MUSK: variants seen among roughly 807,000 people sequenced by gnomAD.
MUSK encodes muscle associated receptor tyrosine kinase, also known as muscle, skeletal receptor tyrosine-protein kinase.
Under a neutral mutation model 88.7 loss-of-function variants are expected in MUSK, and 55 were observed. That is an observed-to-expected ratio of 0.62 (90% CI 0.50 to 0.78). MUSK has a LOEUF of 0.78. Among genes scored for constraint, MUSK ranks in the 30% least tolerant of loss-of-function variants. MUSK has a pLI of 0.00. For missense variants in MUSK, 1,015 were observed against 1,074.3 expected, an observed-to-expected ratio of 0.94 and a Z score of 0.77; for synonymous variants, 387 against 391.9, an observed-to-expected ratio of 0.99 and a Z score of 0.15.
chr9:110,711,000 C>CA lies in MUSK; in HGVS notation c.628+13540dup, dbSNP rs532037072. Among the ~76,000 whole-genome samples, 217 of 151,884 alleles carry CA rather than the reference C, an allele frequency of 1.4e-3. 2 individuals carry two copies. Among genetic ancestry groups the CA allele is most frequent in the African/African-American group, 4.9e-3 (201 of 41,390 alleles). ...CATTCTCAGCAAACTATTGCAAGGACAAAAAACCAAACACCGCATGTTCTC... is the reference window on the plus strand; with the variant it reads ...CATTCTCAGCAAACTATTGCAAGGACAAAAAAACCAAACACCGCATGTTCTC... On this transcript the variant is annotated intron_variant, in intron 5 of 14. Coordinates refer to ENST00000374448, the MANE Select transcript of MUSK (RefSeq NM_005592.4).
chr9:110,791,199 C>T (rs1282842152), intron 14 of MUSK, among the ~76,000 whole-genome samples: 1 of 149,638 alleles, frequency 6.7e-6, no homozygotes, highest in African/African-American at 2.5e-5. Context: ...ATCTGAGGTA[C>T]CGGGTTCATC....
rs1263020108 is a variant in MUSK, at chr9:110,803,287, T to C, written c.*2299T>C. Reference sequence around the variant, plus strand: ...CATCCCTGTAATGTTGGTACTATCATTATATACATTTTAGTTTTGCTTTGT... The same window carrying C: ...CATCCCTGTAATGTTGGTACTATCACTATATACATTTTAGTTTTGCTTTGT... On this transcript the variant is annotated 3_prime_UTR_variant, in exon 15 of 15. Transcript: ENST00000374448. Among the ~76,000 whole-genome samples, 4 of 152,238 alleles carry C rather than the reference T, an allele frequency of 2.6e-5. No individual in the cohort carries two copies. Among genetic ancestry groups the C allele is most frequent in the Non-Finnish European group, 1.5e-5 (1 of 68,046 alleles).
intron 14 of MUSK, 109 bp downstream of exon 14, chr9:110,787,947 T>C: frequency 7.9e-7 from 1 of 1,267,646 alleles, no homozygotes; most frequent in Non-Finnish European, 1.1e-6. Context: ...GTGAGACGTT[T>C]CAGTTCCTTT....
rs117059788 is a variant in MUSK, at chr9:110,752,960, C to T, written c.913+5160C>T. On this transcript the variant is annotated intron_variant, in intron 7 of 14. Coordinates refer to ENST00000374448, the MANE Select transcript of MUSK (RefSeq NM_005592.4). ...TGCATTTCCCCTCCAGTCACAACCC[C>T]ATAAAGCCTCAAGTTGCAAAGTAAA... Among the ~76,000 whole-genome samples, 695 of 152,256 alleles carry T rather than the reference C, an allele frequency of 4.6e-3. 4 individuals are homozygous for T. Among genetic ancestry groups the T allele is most frequent in the Middle Eastern group, 0.014 (4 of 294 alleles).
chr9:110,735,317 T>A (rs562758178), intron 6 of MUSK, among the ~76,000 whole-genome samples: 108 of 152,156 alleles, frequency 7.1e-4, no homozygotes, highest in African/African-American at 2.5e-3. Flanking sequence ...TAAGTATCCA[T>A]CAATGGATGA....
At chr9:110,746,389 T>G (rs973149332) in intron 6 of MUSK, among the ~76,000 whole-genome samples, 1 of 152,222 alleles carries the variant, frequency 6.6e-6, no homozygotes, top group Admixed American at 6.5e-5. Context: ...GTTAAGGTAG[T>G]TGTTACTCTT....
intron 13 of MUSK, among the ~76,000 whole-genome samples, chr9:110,786,310 C>CAAAAAAAAAA (rs60666436): frequency 1.3e-5 from 1 of 75,498 alleles, no homozygotes; most frequent in Non-Finnish European, 2.8e-5. Flanking sequence ...GACTCTGTCT[C>CAAAAAAAAAA]AAAAAAAAAA....
chr9:110,682,427 C>A (rs2076145869), intron 1 of MUSK, among the ~76,000 whole-genome samples: 1 of 151,986 alleles, frequency 6.6e-6, no homozygotes, highest in Non-Finnish European at 1.5e-5. Flanking sequence ...AAACTTGGAT[C>A]TGCCTCTCCT....
Position 110,676,142 on chromosome 9 carries a change from A to G in MUSK, c.80-6532A>G, listed in dbSNP as rs7047825. 5.0e-3 allele frequency among the ~76,000 whole-genome samples: 767 copies of G among 151,960 alleles called. 13 individuals are homozygous for G. Among genetic ancestry groups the G allele is most frequent in the African/African-American group, 0.018 (726 of 41,424 alleles). On this transcript the variant is annotated intron_variant, in intron 1 of 14. Coordinates refer to ENST00000374448, the MANE Select transcript of MUSK (RefSeq NM_005592.4). ...ATTCTATCTGCTACAATTTTTTTCT[A>G]TTATGAAAGCAATATGTATTCATTT...
chr9:110,779,528 C>G (rs1437126362), intron 11 of MUSK, among the ~76,000 whole-genome samples: 1 of 152,130 alleles, frequency 6.6e-6, no homozygotes, highest in Non-Finnish European at 1.5e-5. Flanking sequence ...AAAATCCTCA[C>G]CTCCATGTTT....
intron 3 of MUSK, among the ~76,000 whole-genome samples, chr9:110,692,017 A>G (rs2076363236): frequency 6.6e-6 from 1 of 152,116 alleles, no homozygotes; most frequent in Non-Finnish European, 1.5e-5. Flanking sequence ...GTCTCTCTTA[A>G]AAAGTTTAGG....
In MUSK at chr9:110,734,248, C is replaced by T. The variant is rs577774989; in HGVS notation, c.629-3C>T. On this transcript the variant is annotated splice_polypyrimidine_tract_variant and splice_region_variant and intron_variant, in intron 5 of 14. Transcript: ENST00000374448. ...TCACTCACCACTTCTGTCTTCCTAACAGTTTTTGCCAGGATCCTGCGGGCT... is the reference window on the plus strand; with the variant it reads ...TCACTCACCACTTCTGTCTTCCTAATAGTTTTTGCCAGGATCCTGCGGGCT... The T allele has an allele frequency of 2.7e-5, 43 of 1,610,234 alleles. No homozygotes were observed. Among genetic ancestry groups the T allele is most frequent in the Non-Finnish European group, 3.7e-5 (43 of 1,178,080 alleles).
chr9:110,770,427 G>T (rs1376995292), intron 9 of MUSK, among the ~76,000 whole-genome samples: 2 of 143,232 alleles, frequency 1.4e-5, no homozygotes, highest in Non-Finnish European at 3.0e-5. Context: ...TTATATAATT[G>T]ATATAATTTA....
At chr9:110,689,622 T>G (rs1306334537) in intron 3 of MUSK, among the ~76,000 whole-genome samples, 1 of 79,362 alleles carries the variant, frequency 1.3e-5, no homozygotes, top group African/African-American at 4.8e-5. Context: ...TTAGTATATA[T>G]ATTATATATT....
At chr9:110,752,018 C>A (rs1308752640) in intron 7 of MUSK, among the ~76,000 whole-genome samples, 1 of 151,866 alleles carries the variant, frequency 6.6e-6, no homozygotes, top group Non-Finnish European at 1.5e-5. Flanking sequence ...GGAATAAGAC[C>A]CTTTTGTCCA....
intron 7 of MUSK, among the ~76,000 whole-genome samples, chr9:110,757,851 G>T (rs1417241413): frequency 6.6e-6 from 1 of 152,094 alleles, no homozygotes; most frequent in African/African-American, 2.4e-5. Flanking sequence ...CATACTCTCA[G>T]AGCTCATTTC....
At chr9:110,776,795 G>A (rs1459909904) in intron 11 of MUSK, 140 bp downstream of exon 11, 3 of 690,530 alleles carry the variant, frequency 4.3e-6, no homozygotes, top group East Asian at 2.8e-5. Context: ...CTCATCCAGG[G>A]TATAACATGA....
At chr9:110,778,563 C>T (rs914931944) in intron 11 of MUSK, among the ~76,000 whole-genome samples, 4 of 152,068 alleles carry the variant, frequency 2.6e-5, no homozygotes, top group African/African-American at 9.7e-5. Flanking sequence ...TCTCTTAATA[C>T]TCCCAATAGT....
At chr9:110,798,602 T>C (rs2078047980) in intron 14 of MUSK, among the ~76,000 whole-genome samples, 2 of 152,154 alleles carry the variant, frequency 1.3e-5, no homozygotes, top group African/African-American at 4.8e-5. Context: ...CACCTATGCA[T>C]TAATTCATCC....
Sources: gnomAD v4.1 joint callset for allele counts (sites outside exome capture counted in the v4.1 genomes callset) on GRCh38, gnomAD v4.1.1 for gene constraint, MANE v1.5 for transcripts, NCBI Gene and HGNC (gene_info 2026-07-23, HGNC 2026-07-21) for gene names.